ENTPD1: variants seen among roughly 807,000 people sequenced by gnomAD.
The protein encoded by ENTPD1 is ectonucleoside triphosphate diphosphohydrolase 1.
ENTPD1 carries 33 observed loss-of-function variants against 57.0 expected under a neutral mutation model. The observed-to-expected ratio is 0.58, with a 90% CI of 0.44 to 0.77. The LOEUF is 0.77. Ranked by LOEUF, ENTPD1 falls within the 30% of genes least tolerant of loss-of-function variation. The pLI, the probability that ENTPD1 is intolerant of heterozygous loss-of-function variation, is 0.00. For synonymous variants in ENTPD1, 202 were observed against 218.8 expected, an observed-to-expected ratio of 0.92 and a Z score of 0.68; for missense variants, 501 against 603.4, an observed-to-expected ratio of 0.83 and a Z score of 1.78.
intron 1 of ENTPD1, among the ~76,000 whole-genome samples, chr10:95,738,669 T>C (rs965258706): frequency 1.3e-5 from 2 of 152,160 alleles, no homozygotes; most frequent in African/African-American, 4.8e-5. Context: ...CTCATGATGA[T>C]CTGACTATTT....
At position 95,876,527 on chromosome 10, in the gene ENTPD1, A is replaced by C; in HGVS notation, c.*10144A>C. ...TCTCTTGGATTTTTACCTTTGCAAT[A>C]GTCAACTGAACCATCTTCTTGGAGT... On this transcript the variant is annotated 3_prime_UTR_variant, in exon 10 of 10. Transcript: ENST00000371205. The C allele has an allele frequency of 1.6e-6, 2 of 1,231,350 alleles. No individual in the cohort carries two copies. Among genetic ancestry groups the C allele is most frequent in the Non-Finnish European group, 2.0e-6 (2 of 987,756 alleles). 76.3% of individuals were successfully genotyped at this position (1,231,350 alleles called of 1,614,324 possible). A position where few individuals can be genotyped will look rare whatever the true frequency, so the allele number is the denominator to read the frequency against.
chr10:95,803,852 T>G (rs1222294676), intron 1 of ENTPD1, among the ~76,000 whole-genome samples: 1 of 152,274 alleles, frequency 6.6e-6, no homozygotes, highest in Non-Finnish European at 1.5e-5. Flanking sequence ...CATTTAAGTC[T>G]TTAATCCTTC....
intron 6 of ENTPD1, chr10:95,846,367 G>A (rs1215025326): frequency 6.6e-6 from 1 of 151,988 alleles, no homozygotes; most frequent in African/African-American, 2.4e-5. Flanking sequence ...CACAGAGCGA[G>A]ACTCCATCTC....
chr10:95,819,190 G>A (rs1174326492), intron 1 of ENTPD1, among the ~76,000 whole-genome samples: 1 of 152,094 alleles, frequency 6.6e-6, no homozygotes, highest in African/African-American at 2.4e-5. Context: ...TGGAGACAGG[G>A]TCTCACTCTG....
At chr10:95,705,932 T>C in the ENTPD1 span, among the ~76,000 whole-genome samples, 2 of 152,198 alleles carry the variant, frequency 1.3e-5, no homozygotes, top group South Asian at 4.1e-4. Flanking sequence ...ACCTCGTCTC[T>C]ATGAAAAATT....
intron 1 of ENTPD1, among the ~76,000 whole-genome samples, chr10:95,818,223 A>C (rs754853493): frequency 2.6e-5 from 4 of 152,246 alleles, no homozygotes; most frequent in Non-Finnish European, 4.4e-5. Context: ...TCATTCATTC[A>C]TACAACATGG....
rs2098003942 is a variant in ENTPD1, at chr10:95,744,496, C to T, written c.37+32503C>T. ...ACTAAAAATACAAAAATTAGCCAGG[C>T]TTGGTGGTGTGCTACTTGGGAGGCT... On this transcript the variant is annotated intron_variant, in intron 1 of 9. Transcript: ENST00000453258. Among the ~76,000 whole-genome samples the T allele has an allele frequency of 3.3e-5, 5 of 151,904 alleles. No homozygotes were observed. The South Asian group carries it at 1.0e-3, about 32-fold the overall frequency.
At chr10:95,768,267 T>C (rs944023263) in intron 1 of ENTPD1, among the ~76,000 whole-genome samples, 4 of 152,260 alleles carry the variant, frequency 2.6e-5, no homozygotes, top group African/African-American at 9.6e-5. Context: ...AATTTTTGCC[T>C]GGGATATGGT....
At chr10:95,856,331 A>G (rs1566244948) in intron 7 of ENTPD1, among the ~76,000 whole-genome samples, 1 of 152,182 alleles carries the variant, frequency 6.6e-6, no homozygotes, top group African/African-American at 2.4e-5. Flanking sequence ...ATAATTTAAA[A>G]ATCAAAAAAT....
At chr10:95,843,822 C>T (rs1163169787) in intron 4 of ENTPD1, among the ~76,000 whole-genome samples, 2 of 152,198 alleles carry the variant, frequency 1.3e-5, no homozygotes, top group African/African-American at 4.8e-5. Flanking sequence ...AGGTAGCATC[C>T]TCTCGCTCAG....
rs2141022635 is a variant in ENTPD1 at position 95,869,818 on chromosome 10, T to C, written c.*3435T>C. 1.4e-6 allele frequency: 1 copy of C among 713,050 alleles called. No individual in the cohort carries two copies. Among genetic ancestry groups the C allele is most frequent in the South Asian group, 6.4e-5 (1 of 15,730 alleles). The allele number at this position is 713,050 out of a possible 1,614,324, so 44.2% of individuals were successfully genotyped here. A position where few individuals can be genotyped will look rare whatever the true frequency, so the allele number is the denominator to read the frequency against. ...CCAAAATACTATCAAGGAATCAATA[T>C]AAAAATTGTTAATATTTTTCTCATA... On this transcript the variant is annotated 3_prime_UTR_variant, in exon 10 of 10. Coordinates refer to ENST00000371205, the MANE Select transcript of ENTPD1 (RefSeq NM_001776.6).
upstream of ENTPD1, chr10:95,755,963 A>G (rs1295107680): frequency 1.4e-6 from 2 of 1,466,116 alleles, no homozygotes; most frequent in East Asian, 2.5e-5. Flanking sequence ...CATTGCTTCA[A>G]GGATGCAAAA....
rs191944579 is a variant in ENTPD1, at chr10:95,842,293, T to A, written c.263-51T>A. On this transcript the variant is annotated intron_variant, in intron 3 of 9. Coordinates refer to ENST00000371205, the MANE Select transcript of ENTPD1 (RefSeq NM_001776.6). The stretch of plus-strand genomic sequence containing the variant: ...ATTTTGATCTACTATTGTCAAGGTA[T>A]GTTTTATAATTTTTTTTTAAAAGAT... 1.0e-3 allele frequency: 1,560 copies of A among 1,506,788 alleles called. 13 individuals are homozygous for A. In the Middle Eastern group the frequency reaches 0.013, roughly 12 times the overall value. 93.3% of individuals were successfully genotyped at this position (1,506,788 alleles called of 1,614,324 possible).
the ENTPD1 span, among the ~76,000 whole-genome samples, chr10:95,698,604 G>A: frequency 6.6e-6 from 1 of 152,210 alleles, no homozygotes; most frequent in Non-Finnish European, 1.5e-5. Flanking sequence ...CAGAGGCATA[G>A]GAGGACAGAA....
intron 1 of ENTPD1, among the ~76,000 whole-genome samples, chr10:95,726,778 G>T (rs1044574881): frequency 3.9e-5 from 6 of 152,056 alleles, no homozygotes; most frequent in Admixed American, 3.9e-4. Flanking sequence ...CTCTGAGAGG[G>T]TTCACTCAGT....
chr10:95,715,022 T>G (rs931526079), intron 1 of ENTPD1, among the ~76,000 whole-genome samples: 5 of 152,232 alleles, frequency 3.3e-5, no homozygotes, highest in Non-Finnish European at 7.3e-5. Context: ...CCCTCGGTTA[T>G]CCCTGGAATC....
intron 7 of ENTPD1, among the ~76,000 whole-genome samples, chr10:95,855,549 T>C (rs1438747648): frequency 6.6e-6 from 1 of 152,176 alleles, no homozygotes; most frequent in African/African-American, 2.4e-5. Context: ...CTTTACAATT[T>C]GGCATGTTTT....
intron 2 of ENTPD1, among the ~76,000 whole-genome samples, chr10:95,830,638 A>C (rs2098393541): frequency 6.6e-6 from 1 of 152,014 alleles, no homozygotes; most frequent in African/African-American, 2.4e-5. Context: ...AACTGTCTCT[A>C]CTAAAAATAC....
At chr10:95,763,583 A>G (rs1051779126) in intron 1 of ENTPD1, among the ~76,000 whole-genome samples, 2 of 152,220 alleles carry the variant, frequency 1.3e-5, no homozygotes, top group Non-Finnish European at 2.9e-5. Context: ...ATTTATCTCC[A>G]ACCATAATAT....
Sources: gnomAD v4.1 joint callset for allele counts (sites outside exome capture counted in the v4.1 genomes callset) on GRCh38, gnomAD v4.1.1 for gene constraint, MANE v1.5 for transcripts, NCBI Gene and HGNC (gene_info 2026-07-23, HGNC 2026-07-21) for gene names.